CSE1L: variants seen among roughly 807,000 people sequenced by gnomAD.
CSE1L encodes exportin-2.
Under a neutral mutation model 120.4 loss-of-function variants are expected in CSE1L, and 24 were observed. The observed-to-expected ratio is 0.20, with a 90% CI of 0.14 to 0.28. CSE1L has a LOEUF of 0.28. CSE1L is among the 10% of genes least tolerant of loss of function. The probability of loss-of-function intolerance (pLI) is 1.00; values close to 1 mark genes in which losing one functional copy is unlikely to be tolerated. For missense variants in CSE1L, 830 were observed against 1,145.2 expected, an observed-to-expected ratio of 0.72 and a Z score of 3.97; for synonymous variants, 402 against 398.3, an observed-to-expected ratio of 1.01 and a Z score of -0.11.
chr20:49,091,159 A>G, intron 21 of CSE1L, 137 bp downstream of exon 21: 1 of 664,428 alleles, frequency 1.5e-6, no homozygotes, highest in Admixed American at 2.9e-5. Context: ...GTGGAGGTTC[A>G]TGCCTGTAAT....
rs959428439 is a variant in CSE1L, at chr20:49,096,485, C to A, written c.*47C>A. The A allele has an allele frequency of 3.6e-6, 5 of 1,397,726 alleles. No homozygotes were observed. The highest frequency in any genetic ancestry group is 5.1e-6 in the Non-Finnish European group (5 of 983,400). 86.6% of individuals were successfully genotyped at this position (1,397,726 alleles called of 1,614,324 possible). ...AAACCCAGATGGTTTCCTAGGAAAT[C>A]ACAGGCTTCTGAGCACAGCTGCATT... is the stretch of plus-strand genomic sequence containing the variant. On this transcript the variant is annotated 3_prime_UTR_variant, in exon 25 of 25. Transcript: ENST00000262982.
At chr20:49,067,928 C>CTTTTTTTTTTTT (rs10567768) in intron 6 of CSE1L, among the ~76,000 whole-genome samples, 1 of 78,480 alleles carries the variant, frequency 1.3e-5, no homozygotes, top group Non-Finnish European at 2.3e-5. Context: ...TTCCCTCTCT[C>CTTTTTTTTTTTT]TTTTTTTTTT....
chr20:49,073,332 C>T (rs1437387031), intron 10 of CSE1L, among the ~76,000 whole-genome samples: 1 of 151,990 alleles, frequency 6.6e-6, no homozygotes, highest in African/African-American at 2.4e-5. Flanking sequence ...TTTAAACAAT[C>T]GACTTGAGAA....
intron 1 of CSE1L, among the ~76,000 whole-genome samples, chr20:49,053,803 C>T (rs2091786603): frequency 6.6e-6 from 1 of 152,210 alleles, no homozygotes; most frequent in Non-Finnish European, 1.5e-5. Context: ...ATCCTCCCAC[C>T]TTAGCCTCCC....
chr20:49,074,908 C>T (rs3092153), intron 11 of CSE1L, 58 bp downstream of exon 11: 370,421 of 1,311,740 alleles, frequency 0.28, 54,909 homozygotes, highest in East Asian at 0.45. Flanking sequence ...TAAGGTGGTT[C>T]TCTTTCTAGT....
At chr20:49,055,343 C>T (rs1282469205) in intron 1 of CSE1L, among the ~76,000 whole-genome samples, 1 of 152,144 alleles carries the variant, frequency 6.6e-6, no homozygotes, top group Non-Finnish European at 1.5e-5. Flanking sequence ...CTTGGCATTT[C>T]AGTTGTGTCT....
At chr20:49,058,909 A>G (rs1007629345) in intron 2 of CSE1L, among the ~76,000 whole-genome samples, 2 of 152,136 alleles carry the variant, frequency 1.3e-5, no homozygotes, top group Non-Finnish European at 2.9e-5. Flanking sequence ...AGGCAGGCGG[A>G]TCACGAGGTC....
At chr20:49,048,648 G>A (rs990529616) in intron 1 of CSE1L, among the ~76,000 whole-genome samples, 2 of 152,108 alleles carry the variant, frequency 1.3e-5, no homozygotes, top group Non-Finnish European at 2.9e-5. Context: ...AAATATTTAA[G>A]GAATATCTTA....
At chr20:49,068,567 C>T in intron 6 of CSE1L, 148 bp from the exon 7 acceptor site, 2 of 548,024 alleles carry the variant, frequency 3.6e-6, no homozygotes, top group Non-Finnish European at 6.5e-6. Context: ...CCACTGCGCT[C>T]CAGCCTGGAC....
At chr20:49,048,621 A>T (rs532757322) in intron 1 of CSE1L, among the ~76,000 whole-genome samples, 7 of 152,178 alleles carry the variant, frequency 4.6e-5, no homozygotes, top group Non-Finnish European at 1.0e-4. Flanking sequence ...AAGGACAGGA[A>T]CCGGCTTGGA....
At position 49,084,153 on chromosome 20, in the gene CSE1L, A is replaced by G. The variant is rs748911172; in HGVS notation, c.1610A>G (p.Asn537Ser). The change falls in exon 15 of 25, where the codon AAT (asparagine) becomes AGT (serine). Residue 537 changes from asparagine (N) to serine (S), a missense_variant. Physicochemically the swap from Asn to Ser is conservative, Grantham distance 46. Coordinates refer to ENST00000262982, the MANE Select transcript of CSE1L (RefSeq NM_001316.4). ...CTCTTTACTATGCGAGGGCCTAACA[A>G]TGCCACTCTGTGAGTATTTTATTCT... The part of the protein sequence containing the change: ...ERLFTMRGPN[N>S]ATLFTAAEIA... 54 of 1,613,876 alleles carry G rather than the reference A, an allele frequency of 3.3e-5. No homozygotes were observed. The highest frequency in any genetic ancestry group is 3.0e-4 in the South Asian group (27 of 91,064).
chr20:49,070,381 G>A, intron 8 of CSE1L, 84 bp downstream of exon 8: 1 of 673,550 alleles, frequency 1.5e-6, no homozygotes, highest in Non-Finnish European at 2.6e-6. Flanking sequence ...ATTTACTCTT[G>A]CATTGTTAAA....
chr20:49,091,136 T>C (rs2092098192), intron 21 of CSE1L, 114 bp downstream of exon 21: 1 of 795,286 alleles, frequency 1.3e-6, no homozygotes, highest in South Asian at 1.7e-5. Flanking sequence ...ATGCAAAAAA[T>C]ACTTGGCCAC....
chr20:49,078,525 A>T, intron 13 of CSE1L, 36 bp from the exon 14 acceptor site: 2 of 1,432,096 alleles, frequency 1.4e-6, no homozygotes, highest in South Asian at 1.3e-5. Context: ...GATCCTTACC[A>T]CTTAAGTAAC....
chr20:49,049,063 G>A (rs1397589159), intron 1 of CSE1L, among the ~76,000 whole-genome samples: 1 of 152,168 alleles, frequency 6.6e-6, no homozygotes, highest in Admixed American at 6.5e-5. Flanking sequence ...CATTCAACAA[G>A]AAGAACTTGG....
Position 49,091,957 on chromosome 20 carries a change from A to AT in CSE1L, c.2366-87dup, listed in dbSNP as rs1600551519. ...ATGCCACAGCCTTTGGATGTTAATG[A>AT]TTAAGCATAGGTTTATTTTGCAGAC... On this transcript the variant is annotated intron_variant, in intron 21 of 24. Coordinates refer to ENST00000262982, the MANE Select transcript of CSE1L (RefSeq NM_001316.4). 5.6e-6 allele frequency: 4 copies of AT among 715,264 alleles called. No homozygotes were observed. The East Asian group carries it at 1.1e-4, about 19-fold the overall frequency. 44.3% of individuals were successfully genotyped at this position (715,264 alleles called of 1,614,324 possible). A position where few individuals can be genotyped will look rare whatever the true frequency, so the allele number is the denominator to read the frequency against.
intron 7 of CSE1L, among the ~76,000 whole-genome samples, chr20:49,069,141 G>T (rs769596792): frequency 6.6e-6 from 1 of 152,042 alleles, no homozygotes; most frequent in African/African-American, 2.4e-5. Context: ...TTCCTCTTTC[G>T]TTCATTTATA....
chr20:49,072,842 A>ACATTT, intron 10 of CSE1L, 145 bp downstream of exon 10: 2 of 869,766 alleles, frequency 2.3e-6, no homozygotes, highest in Non-Finnish European at 3.3e-6. Context: ...AAAATGTAGT[A>ACATTT]TCTGTAATGA....
At chr20:49,080,889 C>CTTA (rs2092007310) in intron 14 of CSE1L, among the ~76,000 whole-genome samples, 2 of 152,282 alleles carry the variant, frequency 1.3e-5, no homozygotes, top group East Asian at 3.9e-4. Context: ...GACCCTTTTG[C>CTTA]CTAAGCCTCC....
Sources: gnomAD v4.1 joint callset for allele counts (sites outside exome capture counted in the v4.1 genomes callset) on GRCh38, gnomAD v4.1.1 for gene constraint, MANE v1.5 for transcripts, NCBI Gene and HGNC (gene_info 2026-07-23, HGNC 2026-07-21) for gene names.